The following ZFAND3 variants were observed in gnomAD, a reference collection of about 807,000 sequenced individuals.
The protein encoded by ZFAND3 is zinc finger AN1-type containing 3, also known as AN1-type zinc finger protein 3.
ZFAND3 carries 10 observed loss-of-function variants against 29.6 expected under a neutral mutation model. The ratio of observed to expected loss-of-function variants is 0.34; its 90% confidence interval spans 0.21 to 0.57. The LOEUF is 0.57. Among genes scored for constraint, ZFAND3 ranks in the 20% least tolerant of loss-of-function variants. ZFAND3 has a pLI of 0.86. For synonymous variants in ZFAND3, 128 were observed against 112.6 expected (o/e 1.14, Z -0.87); for missense variants, 230 against 304.5 (o/e 0.76, Z 1.82).
intron 2 of ZFAND3, 152 bp downstream of exon 2, chr6:37,930,151 C>A: frequency 4.2e-6 from 3 of 715,672 alleles, no homozygotes; most frequent in Non-Finnish European, 4.3e-6. Flanking sequence ...TTCACCTTAC[C>A]AAGGTGCTTC....
Position 38,154,376 on chromosome 6 carries a change from G to T in ZFAND3, c.*1987G>T, listed in dbSNP as rs1766307375. On this transcript the variant is annotated 3_prime_UTR_variant, in exon 6 of 6. Coordinates refer to ENST00000287218, the MANE Select transcript of ZFAND3 (RefSeq NM_021943.3). ...TGTTCGCTTCCTGACTTAGAGCTGG[G>T]GGGGGTGGGGGGTGGGGCTTGTTCC... 25 of 777,500 alleles carry T rather than the reference G, an allele frequency of 3.2e-5. No homozygotes were observed. Among genetic ancestry groups the T allele is most frequent in the Non-Finnish European group, 3.7e-5 (24 of 640,412 alleles). The allele number at this position is 777,500 out of a possible 1,614,324, so 48.2% of individuals were successfully genotyped here.
At chr6:37,966,128 G>C (rs889871207) in intron 2 of ZFAND3, among the ~76,000 whole-genome samples, 3 of 152,124 alleles carry the variant, frequency 2.0e-5, no homozygotes, top group African/African-American at 4.8e-5. Flanking sequence ...GTAGACAAAG[G>C]GGGAATGAAT....
intron 2 of ZFAND3, among the ~76,000 whole-genome samples, chr6:38,048,626 A>AAAAAAAAAAAAAAAAAAAAAAAAAC (rs1763957681): frequency 6.7e-6 from 1 of 148,784 alleles, no homozygotes; most frequent in Non-Finnish European, 1.5e-5. Context: ...CGTCTCAAAA[A>AAAAAAAAAAAAAAAAAAAAAAAAAC]AAAAAAAATT....
At chr6:37,997,327 A>G (rs1056514783) in intron 2 of ZFAND3, among the ~76,000 whole-genome samples, 13 of 152,170 alleles carry the variant, frequency 8.5e-5, no homozygotes, top group African/African-American at 3.1e-4. Context: ...TGGCTGGTAT[A>G]TGATTCCAGG....
At chr6:38,054,306 G>C (rs1288634391) in intron 2 of ZFAND3, among the ~76,000 whole-genome samples, 2 of 150,160 alleles carry the variant, frequency 1.3e-5, no homozygotes, top group African/African-American at 4.9e-5. Flanking sequence ...AGGTGGGAGC[G>C]TCACTTGGGC....
intron 1 of ZFAND3, among the ~76,000 whole-genome samples, chr6:37,831,451 C>CTA (rs1450858706): frequency 6.6e-6 from 1 of 152,164 alleles, no homozygotes; most frequent in Non-Finnish European, 1.5e-5. Flanking sequence ...TTGAGCTATG[C>CTA]TAGGCAAGAG....
At chr6:38,010,904 C>CTTTTTTT (rs35362297) in intron 2 of ZFAND3, among the ~76,000 whole-genome samples, 1 of 131,090 alleles carries the variant, frequency 7.6e-6, no homozygotes, top group Non-Finnish European at 1.6e-5. Flanking sequence ...CCCGGCCCAA[C>CTTTTTTT]TTTTTTTTTT....
In ZFAND3 at chr6:38,060,450, C is replaced by T. The variant is rs569218045; in HGVS notation, c.113-1143C>T. Among the ~76,000 whole-genome samples the T allele has an allele frequency of 5.3e-5, 8 of 150,560 alleles. No homozygotes were observed. The South Asian group carries it at 1.5e-3, about 28-fold the overall frequency. ...CTTCTCCTCTCCCTCTCCCCCTCCC[C>T]TCCCTTTTCTCCTCTCTCTGCTTTC... On this transcript the variant is annotated intron_variant, in intron 2 of 5. Transcript: ENST00000287218.
At chr6:38,087,631 A>G (rs948907583) in intron 4 of ZFAND3, among the ~76,000 whole-genome samples, 1 of 152,260 alleles carries the variant, frequency 6.6e-6, no homozygotes, top group Non-Finnish European at 1.5e-5. Flanking sequence ...AATCAAAACT[A>G]CAATGAGATG....
rs548650987 is a variant in ZFAND3 at position 38,036,352 on chromosome 6, AG to A, written c.113-25240del. ...AGGCTTCACAGAATTATTCCAGCCA[AG>A]CCACTAAACAAACAACAAGCAACAC... On this transcript the variant is annotated intron_variant, in intron 2 of 5. Transcript: ENST00000287218. Among the ~76,000 whole-genome samples, 407 of 152,356 alleles carry A rather than the reference AG, an allele frequency of 2.7e-3. 6 individuals carry two copies. The highest frequency in any genetic ancestry group is 9.4e-3 in the African/African-American group (390 of 41,590).
At chr6:37,939,125 T>C (rs187531214) in intron 2 of ZFAND3, among the ~76,000 whole-genome samples, 1 of 152,196 alleles carries the variant, frequency 6.6e-6, no homozygotes, top group Non-Finnish European at 1.5e-5. Flanking sequence ...ATTAGTTTCC[T>C]AGGGTTGCCA....
chr6:38,002,270 A>G (rs1762961818), intron 2 of ZFAND3, among the ~76,000 whole-genome samples: 1 of 149,288 alleles, frequency 6.7e-6, no homozygotes, highest in African/African-American at 2.4e-5. Flanking sequence ...AAATTACACT[A>G]CTGTATTTTC....
intron 2 of ZFAND3, among the ~76,000 whole-genome samples, chr6:38,009,495 C>G (rs186769565): frequency 1.1e-3 from 173 of 152,262 alleles, no homozygotes; most frequent in African/African-American, 3.5e-3. Context: ...TTGGGAGAGA[C>G]AAAAAGATCT....
intron 1 of ZFAND3, among the ~76,000 whole-genome samples, chr6:37,853,502 T>TA (rs11415774): frequency 0.02 from 3,098 of 152,052 alleles, 98 homozygotes; most frequent in African/African-American, 0.071. Context: ...CAGTAACTCT[T>TA]ACTACTAGAA....
At chr6:38,141,447 G>C (rs995184444) in intron 5 of ZFAND3, among the ~76,000 whole-genome samples, 1 of 152,210 alleles carries the variant, frequency 6.6e-6, no homozygotes. Context: ...GAAAGTTTCC[G>C]TGTCCCTTTC....
chr6:37,967,900 T>C (rs1762320482), intron 2 of ZFAND3, among the ~76,000 whole-genome samples: 1 of 152,200 alleles, frequency 6.6e-6, no homozygotes, highest in Non-Finnish European at 1.5e-5. Context: ...ATGTGGGCTC[T>C]CAAGTAAATT....
intron 2 of ZFAND3, among the ~76,000 whole-genome samples, chr6:38,043,404 C>T (rs1763831078): frequency 6.7e-6 from 1 of 149,312 alleles, no homozygotes. Context: ...GCTCCCCTTC[C>T]CTCTCCTCCC....
chr6:37,895,587 CTT>C (rs752984688), intron 1 of ZFAND3, among the ~76,000 whole-genome samples: 3 of 141,284 alleles, frequency 2.1e-5, no homozygotes, highest in African/African-American at 8.0e-5. Context: ...GGTTTAATGT[CTT>C]TGGTTACTAT....
chr6:37,884,068 A>G (rs1228599098), intron 1 of ZFAND3, among the ~76,000 whole-genome samples: 1 of 145,242 alleles, frequency 6.9e-6, no homozygotes, highest in East Asian at 1.9e-4. Context: ...CTCTTATAAT[A>G]GAGATTGATT....
Sources: gnomAD v4.1 joint callset for allele counts (sites outside exome capture counted in the v4.1 genomes callset) on GRCh38, gnomAD v4.1.1 for gene constraint, MANE v1.5 for transcripts, NCBI Gene and HGNC (gene_info 2026-07-23, HGNC 2026-07-21) for gene names.